PXDN: variants seen among roughly 807,000 people sequenced by gnomAD.
PXDN encodes peroxidasin homolog.
Under a neutral mutation model 140.3 loss-of-function variants are expected in PXDN, and 77 were observed. The observed-to-expected ratio is 0.55, with a 90% CI of 0.46 to 0.66. The LOEUF (loss-of-function observed/expected upper bound fraction) is 0.66. Among genes scored for constraint, PXDN ranks in the 30% least tolerant of loss-of-function variants. The pLI is 0.00. For missense variants in PXDN, 1,838 were observed against 2,039.5 expected (o/e 0.90, Z 1.90); for synonymous variants, 911 against 857.4 (o/e 1.06, Z -1.09).
chr2:1,706,480 G>GC (rs1419847569), intron 1 of PXDN, among the ~76,000 whole-genome samples: 4 of 89,808 alleles, frequency 4.5e-5, no homozygotes, highest in Admixed American at 9.2e-5. Flanking sequence ...TCAGCTCTAA[G>GC]CATCACCTGC....
rs566645933 is a variant in PXDN, at chr2:1,699,805, C to T, written c.201-6671G>A. ...TACACTATATCGTTCGGTTCGAGAA[C>T]GAAAATTATCTCAATTATGGAATGA... On this transcript the variant is annotated intron_variant, in intron 1 of 22. Transcript: ENST00000252804. Among the ~76,000 whole-genome samples the T allele has an allele frequency of 1.8e-4, 27 of 152,222 alleles. No individual in the cohort carries two copies. In the South Asian group the frequency reaches 4.1e-3, roughly 23 times the overall value.
intron 14 of PXDN, among the ~76,000 whole-genome samples, chr2:1,657,158 C>T (rs565992691): frequency 2.0e-5 from 3 of 148,432 alleles, no homozygotes; most frequent in South Asian, 4.3e-4. Context: ...GGGGGACCTG[C>T]CTCCTACTGA....
chr2:1,643,720 A>C (rs1273693515), intron 18 of PXDN, 144 bp from the exon 19 acceptor site: 5 of 783,110 alleles, frequency 6.4e-6, no homozygotes, highest in Middle Eastern at 2.7e-4. Context: ...AAATGGACTC[A>C]CACACTGCTC....
intron 1 of PXDN, among the ~76,000 whole-genome samples, chr2:1,709,060 C>T (rs1157669387): frequency 1.3e-5 from 2 of 152,194 alleles, no homozygotes; most frequent in African/African-American, 2.4e-5. Flanking sequence ...GTCTTCCCCA[C>T]GGGAGCCAGG....
At chr2:1,741,911 C>A (rs1206964900) in intron 1 of PXDN, among the ~76,000 whole-genome samples, 1 of 152,176 alleles carries the variant, frequency 6.6e-6, no homozygotes, top group Non-Finnish European at 1.5e-5. Flanking sequence ...GCCTACCAGA[C>A]CATGCCCCCA....
intron 14 of PXDN, among the ~76,000 whole-genome samples, chr2:1,656,789 C>T (rs1683146686): frequency 6.7e-6 from 1 of 149,252 alleles, no homozygotes; most frequent in African/African-American, 2.5e-5. Flanking sequence ...AGGAACCTGC[C>T]TTCTCCTGAC....
intron 1 of PXDN, among the ~76,000 whole-genome samples, chr2:1,715,806 C>A (rs1425938835): frequency 6.6e-6 from 1 of 152,228 alleles, no homozygotes; most frequent in Non-Finnish European, 1.5e-5. Flanking sequence ...GGATGAATAT[C>A]TTCCATACTC....
chr2:1,648,236 C>A lies in PXDN; in HGVS notation c.3544G>T (p.Ala1182Ser). 1.2e-6 allele frequency: 2 copies of A among 1,613,934 alleles called. No homozygotes were observed. Among genetic ancestry groups the A allele is most frequent in the Non-Finnish European group, 1.7e-6 (2 of 1,179,852 alleles). Residue 1182 changes from alanine to serine, a missense_variant, in exon 17 of 23, where the codon GCA (alanine) becomes TCA (serine). Coordinates refer to ENST00000252804, the MANE Select transcript of PXDN (RefSeq NM_012293.3). The surrounding 1 kb of genome is among the most constrained non-coding windows in gnomAD (Gnocchi z 8.9). ...DYRVYCNLSA[A>S]HTFEDLKNEI... ...TTTTTCAGGTCCTCGAACGTGTGTG[C>A]CGCCGATAGATTGCAGTAGACCCTG...
At chr2:1,654,770 A>G (rs777345559) in intron 14 of PXDN, among the ~76,000 whole-genome samples, 1 of 152,180 alleles carries the variant, frequency 6.6e-6, no homozygotes, top group Non-Finnish European at 1.5e-5. Context: ...GAAGCATGGA[A>G]GATCTTACGC....
chr2:1,671,273 T>C (rs1683568478), intron 9 of PXDN, among the ~76,000 whole-genome samples: 1 of 152,178 alleles, frequency 6.6e-6, no homozygotes, highest in South Asian at 2.1e-4. Context: ...TGAAAAATAA[T>C]TATTTCCAAC....
At chr2:1,742,482 G>A (rs1330748901) in intron 1 of PXDN, among the ~76,000 whole-genome samples, 5 of 152,212 alleles carry the variant, frequency 3.3e-5, no homozygotes, top group Non-Finnish European at 7.3e-5. Context: ...GTTTGTGGAC[G>A]AGCACACCAT....
intron 1 of PXDN, among the ~76,000 whole-genome samples, chr2:1,735,346 T>G (rs1435418220): frequency 6.6e-6 from 1 of 152,206 alleles, no homozygotes; most frequent in Non-Finnish European, 1.5e-5. Context: ...TTTGCCCAGT[T>G]TAATCAGAGA....
At chr2:1,719,808 C>T (rs77091643) in intron 1 of PXDN, among the ~76,000 whole-genome samples, 8,575 of 145,478 alleles carry the variant, frequency 0.059, 730 homozygotes, top group East Asian at 0.32. Flanking sequence ...GAAATGGAGA[C>T]CACAGGATGT....
chr2:1,690,555 T>C (rs1220519386), intron 3 of PXDN, among the ~76,000 whole-genome samples: 1 of 142,728 alleles, frequency 7.0e-6, no homozygotes, highest in Admixed American at 7.6e-5. Context: ...AACACACATA[T>C]ACACACACAA....
rs1235638899 is a variant in PXDN at position 1,666,278 on chromosome 2, C to T, written c.1227G>A (p.Glu409=). 6.2e-7 allele frequency: 1 copy of T among 1,614,062 alleles called. No individual in the cohort carries two copies. The highest frequency in any genetic ancestry group is 8.5e-7 in the Non-Finnish European group (1 of 1,179,910). ...TGTTGTTGGTCGCAGAGCACGCATA[C>T]TCTCCGCTGTCCCCCTGTACGACGT... The part of the protein sequence containing the change: ...IQNVVQGDSG[E]YACSATNNID... Residue 409 remains glutamate, a synonymous_variant, in exon 10 of 23, where the codon GAG becomes GAA. Coordinates refer to ENST00000252804, the MANE Select transcript of PXDN (RefSeq NM_012293.3).
intron 16 of PXDN, among the ~76,000 whole-genome samples, chr2:1,650,524 A>G (rs1682991962): frequency 6.6e-6 from 1 of 152,130 alleles, no homozygotes. Flanking sequence ...TTCGCCTTCA[A>G]GACACCTGCT....
chr2:1,639,098 G>T lies in PXDN; in HGVS notation c.4074-120C>A, dbSNP rs1201407176. On this transcript the variant is annotated intron_variant, in intron 20 of 22. Coordinates refer to ENST00000252804, the MANE Select transcript of PXDN (RefSeq NM_012293.3). The surrounding 1 kb of genome is among the most constrained non-coding windows in gnomAD (Gnocchi z 5.0). ...TGCTCTGAGCTGGGTCTCATTTCAAGGTTTCCTGGGTGTGCACCGCCCCTG... is the reference window on the plus strand; with the variant it reads ...TGCTCTGAGCTGGGTCTCATTTCAATGTTTCCTGGGTGTGCACCGCCCCTG... 2 of 496,794 alleles carry T rather than the reference G, an allele frequency of 4.0e-6. No homozygotes were observed. The highest frequency in any genetic ancestry group is 7.8e-5 in the African/African-American group (2 of 25,618). The allele number at this position is 496,794 out of a possible 1,614,324, so 30.8% of individuals were successfully genotyped here.
At position 1,662,118 on chromosome 2, in the gene PXDN, G is replaced by T; in HGVS notation, c.1634C>A (p.Pro545Gln). The T allele has an allele frequency of 6.3e-7, 1 of 1,598,462 alleles. No individual in the cohort carries two copies. The highest frequency in any genetic ancestry group is 8.5e-7 in the Non-Finnish European group (1 of 1,173,002). Residue 545 changes from proline (P) to glutamine (Q), a missense_variant, in exon 13 of 23, where the codon CCG (proline) becomes CAG (glutamine). Pro to Gln is a moderately conservative substitution (Grantham distance 76). Coordinates refer to ENST00000252804, the MANE Select transcript of PXDN (RefSeq NM_012293.3). ...CTCGGGCTCGCCCTGGGAGCTGCACGGGAGCTGCACATTGGCGCCCACCTC... is the reference window on the plus strand; with the variant it reads ...CTCGGGCTCGCCCTGGGAGCTGCACTGGAGCTGCACATTGGCGCCCACCTC... Reference protein sequence around the residue: ...TVEVGANVQLPCSSQGEPEPA... With the variant: ...TVEVGANVQLQCSSQGEPEPA...
At chr2:1,740,877 G>T (rs1685527599) in intron 1 of PXDN, among the ~76,000 whole-genome samples, 1 of 152,182 alleles carries the variant, frequency 6.6e-6, no homozygotes, top group African/African-American at 2.4e-5. Context: ...CCCCGCCCTG[G>T]CTGCCATGCG....
Sources: allele counts gnomAD v4.1 joint callset (sites outside exome capture counted in the v4.1 genomes callset), GRCh38; gene constraint gnomAD v4.1.1; non-coding constraint Gnocchi (gnomAD v3.1); transcripts MANE v1.5; gene names NCBI Gene and HGNC (gene_info 2026-07-23, HGNC 2026-07-21).